FRAS1: variants seen among roughly 807,000 people sequenced by gnomAD.
FRAS1 encodes extracellular matrix organizing protein FRAS1.
In FRAS1, 290 loss-of-function variants were observed where a neutral mutation model predicts 435.2. The observed-to-expected ratio is 0.67, with a 90% CI of 0.61 to 0.73. The LOEUF is 0.73. Ranked by LOEUF, FRAS1 falls within the 30% of genes least tolerant of loss-of-function variation. The probability of loss-of-function intolerance (pLI) is 0.00; values close to 1 mark genes in which losing one functional copy is unlikely to be tolerated. For missense variants in FRAS1, 4,860 were observed against 5,001.5 expected (o/e 0.97, Z 0.85); for synonymous variants, 1,800 against 1,851.0 (o/e 0.97, Z 0.71).
chr4:78,519,525 A>G, intron 67 of FRAS1, 44 bp downstream of exon 67: 1 of 1,580,556 alleles, frequency 6.3e-7, no homozygotes, highest in South Asian at 1.2e-5. Flanking sequence ...TTAGGGCTTC[A>G]CTCAAGCAAG....
chr4:78,387,357 T>C lies in FRAS1; in HGVS notation c.3649-18T>C. ...TTCTTTCCCTCTTAACTGACTCTTC[T>C]TCCCTTCAACTCCACAGGCCCCCTA... is the stretch of plus-strand genomic sequence containing the variant. On this transcript the variant is annotated intron_variant, in intron 28 of 73. Transcript: ENST00000512123. The C allele has an allele frequency of 2.5e-6, 4 of 1,573,462 alleles. No homozygotes were observed. Among genetic ancestry groups the C allele is most frequent in the Non-Finnish European group, 3.5e-6 (4 of 1,155,232 alleles).
At position 78,372,779 on chromosome 4, in the gene FRAS1, G is replaced by A. The variant is rs777107981; in HGVS notation, c.2931G>A (p.Met977Ile). The A allele has an allele frequency of 3.1e-6, 5 of 1,613,096 alleles. No individual in the cohort carries two copies. The highest frequency in any genetic ancestry group is 3.4e-6 in the Non-Finnish European group (4 of 1,179,694). The change falls in exon 24 of 74, where the codon ATG (methionine) becomes ATA (isoleucine). Residue 977 changes from methionine to isoleucine, a missense_variant. Physicochemically the swap from Met to Ile is conservative, Grantham distance 10. Transcript: ENST00000512123. ...TGAAAACAGACTGCCTGCAGTGCATGGATGGCTATGTTCTCCAGGATGGGG... is the reference window on the plus strand; with the variant it reads ...TGAAAACAGACTGCCTGCAGTGCATAGATGGCTATGTTCTCCAGGATGGGG... Reference protein sequence around the residue: ...GPLKTDCLQCMDGYVLQDGAC... With the variant: ...GPLKTDCLQCIDGYVLQDGAC...
At chr4:78,247,117 A>G (rs888759076) in intron 4 of FRAS1, among the ~76,000 whole-genome samples, 3 of 152,108 alleles carry the variant, frequency 2.0e-5, no homozygotes, top group Non-Finnish European at 4.4e-5. Context: ...CTCTGGGACC[A>G]CAGATCTGCC....
chr4:78,267,544 TTC>T, intron 9 of FRAS1, 112 bp downstream of exon 9: 1 of 924,096 alleles, frequency 1.1e-6, no homozygotes, highest in African/African-American at 1.7e-5. Context: ...CCACATTGAC[TTC>T]TCACACTTCA....
chr4:78,239,470 T>C (rs921341104), intron 3 of FRAS1, among the ~76,000 whole-genome samples: 12 of 152,316 alleles, frequency 7.9e-5, no homozygotes, highest in African/African-American at 2.9e-4. Context: ...CTTGCCTTTT[T>C]CACTGTAATT....
intron 32 of FRAS1, 68 bp from the exon 33 acceptor site, chr4:78,418,881 G>A: frequency 1.1e-6 from 1 of 879,846 alleles, no homozygotes; most frequent in Non-Finnish European, 1.8e-6. Context: ...TCTTAATAAG[G>A]TCTGTTTTTG....
Position 78,475,574 on chromosome 4 carries a change from G to A in FRAS1, c.7819G>A (p.Gly2607Arg), listed in dbSNP as rs1412856848. 2 of 1,612,746 alleles carry A rather than the reference G, an allele frequency of 1.2e-6. No individual in the cohort carries two copies. The highest frequency in any genetic ancestry group is 1.7e-5 in the Admixed American group (1 of 60,004). ...CAGCTCCAGGGTCAGCTCCCAACCT[G>A]GGCAACAGGACTATGTAGAGTATGC... ...SSSSRVSSQP[G>R]QQDYVEYAGQ... Residue 2607 changes from glycine (G) to arginine (R), a missense_variant, in exon 54 of 74, where the codon GGG becomes AGG. By Grantham distance (125) the Gly-to-Arg change is moderately radical. Transcript: ENST00000512123.
chr4:78,432,910 C>G (rs1047216098), intron 38 of FRAS1, among the ~76,000 whole-genome samples: 5 of 152,190 alleles, frequency 3.3e-5, no homozygotes, highest in Non-Finnish European at 5.9e-5. Flanking sequence ...AAGCTCCATT[C>G]ATTATATTCC....
intron 27 of FRAS1, among the ~76,000 whole-genome samples, chr4:78,382,883 G>A (rs1732075765): frequency 6.6e-6 from 1 of 152,162 alleles, no homozygotes; most frequent in Non-Finnish European, 1.5e-5. Flanking sequence ...AATGTTAGGT[G>A]AATGGAATCA....
At position 78,464,451 on chromosome 4, in the gene FRAS1, G is replaced by T; in HGVS notation, c.6897G>T (p.Gln2299His). The T allele has an allele frequency of 6.2e-7, 1 of 1,613,980 alleles. No homozygotes were observed. The highest frequency in any genetic ancestry group is 8.5e-7 in the Non-Finnish European group (1 of 1,179,870). ...TLSDGVSEVT[Q>H]TFHITLHPVD... ...CTTTCCTGCCATTCTAGGTGACTCA[G>T]ACTTTCCATATCACTCTTCACCCTG... Residue 2299 changes from glutamine (Q) to histidine (H), a missense_variant, in exon 49 of 74, where the codon CAG becomes CAT. Physicochemically the swap from Gln to His is conservative, Grantham distance 24. Coordinates refer to ENST00000512123, the MANE Select transcript of FRAS1 (RefSeq NM_025074.7).
chr4:78,498,669 G>A (rs1445562037), intron 60 of FRAS1, among the ~76,000 whole-genome samples: 2 of 151,978 alleles, frequency 1.3e-5, no homozygotes, highest in Admixed American at 1.3e-4. Context: ...AATACAGAAA[G>A]TAGAAATTTC....
intron 43 of FRAS1, 150 bp from the exon 44 acceptor site, chr4:78,447,903 G>A (rs1718903358): frequency 1.6e-6 from 1 of 625,446 alleles, no homozygotes; most frequent in Non-Finnish European, 2.7e-6. Context: ...GTGGTTATAT[G>A]TAAAATGCTA....
At chr4:78,181,999 T>C (rs1413459759) in intron 2 of FRAS1, 1 of 1,563,444 alleles carries the variant, frequency 6.4e-7, no homozygotes, top group African/African-American at 1.4e-5. Flanking sequence ...ACTGGTCGAA[T>C]CGGTTGGTGA....
At chr4:78,158,915 G>A (rs10000651) in intron 2 of FRAS1, among the ~76,000 whole-genome samples, 23,541 of 152,150 alleles carry the variant, frequency 0.15, 2,003 homozygotes, top group Non-Finnish European at 0.19. Flanking sequence ...CAGTAGTGAT[G>A]AAGAGTAGCC....
intron 2 of FRAS1, among the ~76,000 whole-genome samples, chr4:78,194,976 G>A (rs1722734860): frequency 6.6e-6 from 1 of 152,176 alleles, no homozygotes; most frequent in South Asian, 2.1e-4. Context: ...CTGTTGGTTA[G>A]TTTTCCTTCT....
intron 2 of FRAS1, among the ~76,000 whole-genome samples, chr4:78,080,231 CTGAT>C (rs1740833442): frequency 6.6e-6 from 1 of 152,136 alleles, no homozygotes; most frequent in Admixed American, 6.6e-5. Flanking sequence ...CTCGAGAAGC[CTGAT>C]TGATTTATTC....
intron 14 of FRAS1, among the ~76,000 whole-genome samples, chr4:78,289,720 C>T (rs761703401): frequency 2.6e-5 from 4 of 152,108 alleles, no homozygotes; most frequent in African/African-American, 4.8e-5. Context: ...TGGTTCCTGC[C>T]GCTTGCCCTG....
intron 6 of FRAS1, among the ~76,000 whole-genome samples, chr4:78,263,322 G>C (rs1284655718): frequency 6.6e-6 from 1 of 152,018 alleles, no homozygotes; most frequent in Admixed American, 6.6e-5. Context: ...TTATATTTTT[G>C]AAGAAAGATT....
In FRAS1 at chr4:78,380,202, G is replaced by A. The variant is rs768577477; in HGVS notation, c.3563+206G>A. ...GCGTGCATCTGTTAGAGACATTTTC[G>A]TTTTCTCACATAATTGTGGGTAATT... is the stretch of plus-strand genomic sequence containing the variant. On this transcript the variant is annotated intron_variant, in intron 27 of 73. Coordinates refer to ENST00000512123, the MANE Select transcript of FRAS1 (RefSeq NM_025074.7). Among the ~76,000 whole-genome samples the A allele has an allele frequency of 8.5e-5, 13 of 152,252 alleles. No homozygotes were observed. In the Middle Eastern group the frequency reaches 0.01, roughly 120 times the overall value.
Sources: allele counts gnomAD v4.1 joint callset (sites outside exome capture counted in the v4.1 genomes callset), GRCh38; gene constraint gnomAD v4.1.1; transcripts MANE v1.5; gene names NCBI Gene and HGNC (gene_info 2026-07-23, HGNC 2026-07-21).